XRCC2: variants seen among roughly 807,000 people sequenced by gnomAD.
The protein encoded by XRCC2 is DNA repair protein XRCC2.
A neutral mutation model predicts 27.3 loss-of-function variants in XRCC2; 24 were observed. The ratio of observed to expected loss-of-function variants is 0.88; its 90% confidence interval spans 0.64 to 1.24. The LOEUF (loss-of-function observed/expected upper bound fraction) is 1.24, where lower values mean the gene tolerates loss of function less well. Among genes scored for constraint, XRCC2 ranks in the 50% most tolerant of loss-of-function variants. The pLI is 0.00. For missense variants in XRCC2, 321 were observed against 325.8 expected, an observed-to-expected ratio of 0.99 and a Z score of 0.11; for synonymous variants, 106 against 115.4, an observed-to-expected ratio of 0.92 and a Z score of 0.52.
At chr7:152,668,715 G>C (rs559171173) in intron 1 of XRCC2, among the ~76,000 whole-genome samples, 2 of 152,246 alleles carry the variant, frequency 1.3e-5, no homozygotes, top group Non-Finnish European at 2.9e-5. Context: ...ATACACAGTG[G>C]ACATAATAAT....
rs147024637 is a variant in XRCC2, at chr7:152,663,433, C to G, written c.40-2651G>C. 5.0e-3 allele frequency among the ~76,000 whole-genome samples: 722 copies of G among 144,138 alleles called. 4 individuals are homozygous for G. The highest frequency in any genetic ancestry group is 8.6e-3 in the Admixed American group (121 of 14,132). 94.6% of individuals were successfully genotyped at this position (144,138 alleles called of 152,430 possible). On this transcript the variant is annotated intron_variant, in intron 1 of 2. Transcript: ENST00000359321. Reference sequence around the variant, plus strand: ...CTTTAAAAAATATTCTTTGTGATGACATGAGAAACATACTGTGTAGTGAAT... The same window carrying G: ...CTTTAAAAAATATTCTTTGTGATGAGATGAGAAACATACTGTGTAGTGAAT...
chr7:152,665,487 C>CTTT (rs66692067), intron 1 of XRCC2, among the ~76,000 whole-genome samples: 15,906 of 83,828 alleles, frequency 0.19, 2,744 homozygotes, highest in African/African-American at 0.28. Context: ...TAAGACAAAC[C>CTTT]TTTTTTTTTT....
intron 1 of XRCC2, among the ~76,000 whole-genome samples, chr7:152,674,642 T>C (rs923807781): frequency 1.8e-5 from 2 of 108,682 alleles, no homozygotes; most frequent in South Asian, 3.0e-4. Context: ...ATAAAAAATA[T>C]GTTTATATGT....
intron 1 of XRCC2, among the ~76,000 whole-genome samples, chr7:152,662,434 T>C (rs2117001168): frequency 6.6e-6 from 1 of 151,768 alleles, no homozygotes; most frequent in East Asian, 1.9e-4. Context: ...CGGTGAAGGA[T>C]TTAACTGTCA....
At position 152,649,279 on chromosome 7, in the gene XRCC2, T is replaced by C. The variant is rs753457121; in HGVS notation, c.206A>G (p.Lys69Arg). 6.2e-6 allele frequency: 10 copies of C among 1,613,700 alleles called. 1 individual carries two copies. The highest frequency in any genetic ancestry group is 3.3e-4 in the Middle Eastern group (2 of 6,062). The change falls in exon 3 of 3, where the codon AAA becomes AGA. Residue 69 changes from lysine (K) to arginine (R), a missense_variant. Transcript: ENST00000359321. ...YHLTARCILPKSEGGLEVEVL... is the reference protein window; with the variant it reads ...YHLTARCILPRSEGGLEVEVL... ...TTCTACTTCCAGGCCACCTTCTGAT[T>C]TGGGAAGTATACATCGTGCTGTTAG...
chr7:152,651,428 TAAAAA>T (rs10628183), intron 2 of XRCC2, among the ~76,000 whole-genome samples: 8 of 138,942 alleles, frequency 5.8e-5, no homozygotes, highest in Admixed American at 7.2e-5. Flanking sequence ...ACTCTACAAT[TAAAAA>T]AAAAAAAAAA....
intron 1 of XRCC2, among the ~76,000 whole-genome samples, chr7:152,675,099 A>C (rs1004942160): frequency 6.6e-6 from 1 of 152,108 alleles, no homozygotes; most frequent in African/African-American, 2.4e-5. Context: ...TACCCTGCCC[A>C]CTGCTCAGCG....
Position 152,660,681 on chromosome 7 carries a change from A to G in XRCC2, c.121+20T>C. ...TTTATAAAGATTTGCATTTATTTAT[A>G]TAAAGGTTGTATTTTTTACCATGCA... On this transcript the variant is annotated intron_variant, in intron 2 of 2. Transcript: ENST00000359321. 1 of 1,591,350 alleles carries G rather than the reference A, an allele frequency of 6.3e-7. No individual in the cohort carries two copies. The highest frequency in any genetic ancestry group is 8.6e-7 in the Non-Finnish European group (1 of 1,167,482).
rs878854772 is a variant in XRCC2 at position 152,649,243 on chromosome 7, A to G, written c.242T>C (p.Ile81Thr). The change falls in exon 3 of 3, where the codon ATT becomes ACT. Residue 81 changes from isoleucine to threonine, a missense_variant. Coordinates refer to ENST00000359321, the MANE Select transcript of XRCC2 (RefSeq NM_005431.2). ...CATATCAAAGTGGTAATCTGTATCAATAAATAAGACTTCTACTTCCAGGCC... is the reference window on the plus strand; with the variant it reads ...CATATCAAAGTGGTAATCTGTATCAGTAAATAAGACTTCTACTTCCAGGCC... ...EGGLEVEVLFIDTDYHFDMLR... is the reference protein window; with the variant it reads ...EGGLEVEVLFTDTDYHFDMLR... 6.2e-7 allele frequency: 1 copy of G among 1,613,920 alleles called. No individual in the cohort carries two copies. The highest frequency in any genetic ancestry group is 1.7e-5 in the Admixed American group (1 of 60,014).
At position 152,646,919 on chromosome 7, in the gene XRCC2, G is replaced by C. The variant is rs2098026222; in HGVS notation, c.*1723C>G. The C allele has an allele frequency of 1.3e-5, 2 of 152,062 alleles. No individual in the cohort carries two copies. Among genetic ancestry groups the C allele is most frequent in the African/African-American group, 4.8e-5 (2 of 41,386 alleles). The allele number at this position is 152,062 out of a possible 1,614,324, so 9.4% of individuals were successfully genotyped here. On this transcript the variant is annotated 3_prime_UTR_variant, in exon 3 of 3. Transcript: ENST00000359321. ...TATAACAATGATTTCTATTCCTTTG[G>C]GTATATACCCAGTAATGAGATTGCT... is the stretch of plus-strand genomic sequence containing the variant.
chr7:152,649,408 G>T, intron 2 of XRCC2, 45 bp from the exon 3 acceptor site: 1 of 1,507,878 alleles, frequency 6.6e-7, no homozygotes, highest in South Asian at 1.4e-5. Flanking sequence ...GTAGCTCAAG[G>T]GTAGGTTACA....
chr7:152,661,303 CTAGTT>C (rs2098032981), intron 1 of XRCC2, among the ~76,000 whole-genome samples: 1 of 152,290 alleles, frequency 6.6e-6, no homozygotes, highest in East Asian at 1.9e-4. Context: ...AATGGATAGT[CTAGTT>C]TAGGATATAA....
intron 1 of XRCC2, among the ~76,000 whole-genome samples, chr7:152,672,631 C>A (rs573202976): frequency 4.6e-5 from 7 of 152,248 alleles, no homozygotes; most frequent in African/African-American, 1.7e-4. Flanking sequence ...TCTCAGCCTC[C>A]AAAATACGTC....
At chr7:152,653,520 C>T (rs141117987) in intron 2 of XRCC2, among the ~76,000 whole-genome samples, 4 of 152,222 alleles carry the variant, frequency 2.6e-5, no homozygotes, top group Non-Finnish European at 5.9e-5. Context: ...AGTGTAGTGG[C>T]GTGACCTCAG....
intron 1 of XRCC2, among the ~76,000 whole-genome samples, chr7:152,663,511 G>GT (rs1322885395): frequency 6.6e-6 from 1 of 152,136 alleles, no homozygotes; most frequent in Non-Finnish European, 1.5e-5. Context: ...CTCCTGAGAG[G>GT]TAATTCTAAA....
chr7:152,664,320 T>C (rs2098034666), intron 1 of XRCC2, among the ~76,000 whole-genome samples: 1 of 152,130 alleles, frequency 6.6e-6, no homozygotes, highest in Non-Finnish European at 1.5e-5. Flanking sequence ...GTCAACTAGA[T>C]TAAGTTAAGA....
chr7:152,658,150 CTT>C (rs1203269973), intron 2 of XRCC2, among the ~76,000 whole-genome samples: 4 of 137,074 alleles, frequency 2.9e-5, no homozygotes, highest in African/African-American at 2.7e-5. Flanking sequence ...TTTTCTTTTT[CTT>C]TTTTTTTTTT....
chr7:152,650,907 C>CA (rs1461181571), intron 2 of XRCC2, among the ~76,000 whole-genome samples: 3 of 151,942 alleles, frequency 2.0e-5, no homozygotes, highest in Non-Finnish European at 1.5e-5. Flanking sequence ...AACAAAAACA[C>CA]AAAAAAATGC....
In XRCC2 at chr7:152,676,136, C is replaced by T. The variant is rs1201546418; in HGVS notation, c.-57G>A. ...ACTTTCCCGCCACCAACGCCATTCA[C>T]CAACTGCGCAGACTCTACGGCCAGT... On this transcript the variant is annotated 5_prime_UTR_variant, in exon 1 of 3. It adds an upstream start codon to the 5' untranslated region. Transcript: ENST00000359321. The T allele has an allele frequency of 6.2e-7, 1 of 1,611,906 alleles. No homozygotes were observed. The highest frequency in any genetic ancestry group is 8.5e-7 in the Non-Finnish European group (1 of 1,178,674).
Sources: allele counts gnomAD v4.1 joint callset (sites outside exome capture counted in the v4.1 genomes callset), GRCh38; gene constraint gnomAD v4.1.1; transcripts MANE v1.5; gene names NCBI Gene and HGNC (gene_info 2026-07-23, HGNC 2026-07-21).